Variants in ALK observed in about 807,000 individuals in gnomAD.
ALK encodes ALK tyrosine kinase receptor.
In ALK, 74 loss-of-function variants were observed where a neutral mutation model predicts 163.1. The ratio of observed to expected loss-of-function variants is 0.45; its 90% CI spans 0.38 to 0.55. The LOEUF (loss-of-function observed/expected upper bound fraction) is 0.55. Ranked by LOEUF, ALK falls within the 20% of genes least tolerant of loss-of-function variation. ALK has a pLI of 0.00. For missense variants in ALK, 2,063 were observed against 2,105.3 expected (o/e 0.98, Z 0.39); for synonymous variants, 960 against 843.2 (o/e 1.14, Z -2.40).
At chr2:29,332,113 C>T (rs58800761) in intron 5 of ALK, among the ~76,000 whole-genome samples, 27,051 of 151,086 alleles carry the variant, frequency 0.18, 2,925 homozygotes, top group Middle Eastern at 0.28. Context: ...GGTGAAACCC[C>T]GTCTCTACTA....
chr2:29,397,685 T>G (rs1356711430), intron 4 of ALK, among the ~76,000 whole-genome samples: 1 of 152,212 alleles, frequency 6.6e-6, no homozygotes, highest in African/African-American at 2.4e-5. Flanking sequence ...AGCCCTATTT[T>G]CCTTGTGGCC....
At chr2:29,742,345 C>A (rs1049576347) in intron 1 of ALK, among the ~76,000 whole-genome samples, 10 of 152,186 alleles carry the variant, frequency 6.6e-5, no homozygotes, top group Non-Finnish European at 4.4e-5. Context: ...CCCTTGTGAC[C>A]AAGGGCCTGA....
At chr2:29,758,456 C>A (rs1049005018) in intron 1 of ALK, among the ~76,000 whole-genome samples, 3 of 152,162 alleles carry the variant, frequency 2.0e-5, no homozygotes, top group Admixed American at 6.5e-5. Context: ...CCAGGCTTGG[C>A]CTACTTGTGT....
At chr2:29,783,252 C>A in intron 1 of ALK, among the ~76,000 whole-genome samples, 1 of 152,216 alleles carries the variant, frequency 6.6e-6, no homozygotes, top group East Asian at 1.9e-4. Context: ...TGACATTTAG[C>A]TTCGATGCTA....
At chr2:29,196,680 T>A in intron 28 of ALK, 90 bp downstream of exon 28, 3 of 938,544 alleles carry the variant, frequency 3.2e-6, no homozygotes, top group Non-Finnish European at 5.3e-6. Flanking sequence ...GTACTCTGAC[T>A]GGCTTGACCT....
intron 1 of ALK, among the ~76,000 whole-genome samples, chr2:29,853,683 G>A (rs1356882123): frequency 1.3e-5 from 2 of 152,110 alleles, no homozygotes; most frequent in Non-Finnish European, 2.9e-5. Context: ...ACTTTCTGTT[G>A]CACTTGCAAT....
In ALK at chr2:29,328,486, A is replaced by G. The variant is rs377214413; in HGVS notation, c.1283-5T>C. On this transcript the variant is annotated splice_polypyrimidine_tract_variant and splice_region_variant and intron_variant, in intron 5 of 28. Coordinates refer to ENST00000389048, the MANE Select transcript of ALK (RefSeq NM_004304.5). Reference sequence around the variant, plus strand: ...TCTTGGAGCCTGGGGATGTTCCTGGAGAGCACACAGACACACAACCATGGT... The same window carrying G: ...TCTTGGAGCCTGGGGATGTTCCTGGGGAGCACACAGACACACAACCATGGT... 32 of 1,614,024 alleles carry G rather than the reference A, an allele frequency of 2.0e-5. No individual in the cohort carries two copies. In the African/African-American group the frequency reaches 4.3e-4, roughly 22 times the overall value.
intron 3 of ALK, among the ~76,000 whole-genome samples, chr2:29,591,723 C>T (rs1675065917): frequency 6.6e-6 from 1 of 151,576 alleles, no homozygotes; most frequent in African/African-American, 2.4e-5. Flanking sequence ...CCTGGTAAGA[C>T]AAGGAAGGAA....
At chr2:29,537,654 G>A (rs1269388137) in intron 3 of ALK, among the ~76,000 whole-genome samples, 2 of 152,252 alleles carry the variant, frequency 1.3e-5, no homozygotes, top group Non-Finnish European at 2.9e-5. Context: ...TAGTGGAGCT[G>A]TGGGAAGGGG....
intron 1 of ALK, among the ~76,000 whole-genome samples, chr2:29,894,833 AACACACACACACACACACAAACACACAC>A (rs1324807611): frequency 6.7e-6 from 1 of 149,982 alleles, no homozygotes; most frequent in Non-Finnish European, 1.5e-5. Flanking sequence ...TGATGCTTCA[AACACACACACACACACACAAACACACAC>A]ACACACACAC....
intron 1 of ALK, among the ~76,000 whole-genome samples, chr2:29,871,775 G>A (rs7584533): frequency 0.51 from 76,783 of 152,034 alleles, 19,977 homozygotes; most frequent in African/African-American, 0.54. Context: ...CCAGAGAGAG[G>A]AAGTGACTCA....
chr2:29,388,201 T>A (rs7571477), intron 4 of ALK, among the ~76,000 whole-genome samples: 150,130 of 152,332 alleles, frequency 0.99, 74,022 homozygotes, highest in Middle Eastern at 1. Context: ...CGCTGATGAG[T>A]TTGAAAGGTT....
intron 1 of ALK, among the ~76,000 whole-genome samples, chr2:29,911,700 C>T (rs1436882783): frequency 2.6e-5 from 4 of 152,158 alleles, no homozygotes; most frequent in Admixed American, 6.5e-5. Context: ...TCAAACCACA[C>T]CCAACTCAGA....
chr2:29,459,370 C>G (rs570820079), intron 4 of ALK, among the ~76,000 whole-genome samples: 9 of 152,274 alleles, frequency 5.9e-5, no homozygotes, highest in African/African-American at 2.2e-4. Flanking sequence ...ACATGGCGGA[C>G]ACCAATGGAC....
At position 29,711,552 on chromosome 2, in the gene ALK, C is replaced by T. The variant is rs17008512; in HGVS notation, c.787+6026G>A. On this transcript the variant is annotated intron_variant, in intron 2 of 28. Coordinates refer to ENST00000389048, the MANE Select transcript of ALK (RefSeq NM_004304.5). ...ACAACTAAGCATACACTCGGCACTC[C>T]ACGACTGTTGACATCCCTTCTCCCA... is the stretch of plus-strand genomic sequence containing the variant. Among the ~76,000 whole-genome samples, 542 of 152,178 alleles carry T rather than the reference C, an allele frequency of 3.6e-3. 2 individuals are homozygous for T. The highest frequency in any genetic ancestry group is 0.013 in the African/African-American group (519 of 41,502).
intron 1 of ALK, among the ~76,000 whole-genome samples, chr2:29,780,392 C>T (rs1681301145): frequency 6.6e-6 from 1 of 152,246 alleles, no homozygotes; most frequent in Non-Finnish European, 1.5e-5. Flanking sequence ...GACCCTCACC[C>T]ACTGGAGCAG....
intron 5 of ALK, among the ~76,000 whole-genome samples, chr2:29,375,669 A>G (rs1425593242): frequency 6.6e-6 from 1 of 152,160 alleles, no homozygotes; most frequent in Non-Finnish European, 1.5e-5. Flanking sequence ...TCTATGTTCC[A>G]GTTATGAGGG....
intron 5 of ALK, among the ~76,000 whole-genome samples, chr2:29,377,633 T>G (rs1366682991): frequency 6.6e-6 from 1 of 152,220 alleles, no homozygotes; most frequent in Non-Finnish European, 1.5e-5. Flanking sequence ...TTTTATATAC[T>G]GGGCTTCCAT....
chr2:29,496,858 C>T (rs778339624), intron 4 of ALK, among the ~76,000 whole-genome samples: 6 of 152,196 alleles, frequency 3.9e-5, no homozygotes, highest in Non-Finnish European at 8.8e-5. Context: ...GGCTGATATC[C>T]ATTTGCTGTC....
Sources: gnomAD v4.1 joint callset for allele counts (sites outside exome capture counted in the v4.1 genomes callset) on GRCh38, gnomAD v4.1.1 for gene constraint, MANE v1.5 for transcripts, NCBI Gene and HGNC (gene_info 2026-07-23, HGNC 2026-07-21) for gene names.